The following TMEM14C variants were observed in gnomAD, a reference collection of about 807,000 sequenced individuals.
TMEM14C encodes transmembrane protein 14C.
Under a neutral mutation model 14.8 loss-of-function variants are expected in TMEM14C, and 13 were observed. That is an observed-to-expected ratio of 0.88 (90% CI 0.57 to 1.40). TMEM14C has a LOEUF of 1.40. Ranked by LOEUF, TMEM14C falls within the 40% of genes most tolerant of loss-of-function variation. The probability of loss-of-function intolerance (pLI) is 0.00; values close to 1 mark genes in which losing one functional copy is unlikely to be tolerated. For missense variants in TMEM14C, 142 were observed against 138.8 expected (o/e 1.02, Z -0.12); for synonymous variants, 57 against 51.3 (o/e 1.11, Z -0.48).
At chr6:10,724,726 T>C in intron 2 of TMEM14C, 93 bp downstream of exon 2, 1 of 1,386,908 alleles carries the variant, frequency 7.2e-7, no homozygotes. Context: ...GTAGACTGCC[T>C]GGGATGGCAT....
rs373160064 is a variant in TMEM14C at position 10,724,914 on chromosome 6, G to C, written c.21-47G>C. 6.2e-6 allele frequency: 10 copies of C among 1,607,246 alleles called. No individual in the cohort carries two copies. The African/African-American group carries it at 1.1e-4, about 17-fold the overall frequency. On this transcript the variant is annotated intron_variant, in intron 2 of 5. Transcript: ENST00000229563. ...GTCCCATCCTATGACAGTATGGTTT[G>C]TTTTCAAAGCCAGGTTAGCACTGAC...
intron 4 of TMEM14C, among the ~76,000 whole-genome samples, chr6:10,726,214 A>G (rs1027135292): frequency 6.6e-6 from 1 of 152,178 alleles, no homozygotes; most frequent in Non-Finnish European, 1.5e-5. Flanking sequence ...CATACAGAAC[A>G]TGGAAGGATT....
chr6:10,724,650 G>A lies in TMEM14C; in HGVS notation c.20+17G>A, dbSNP rs1383024774. On this transcript the variant is annotated intron_variant, in intron 2 of 5. Transcript: ENST00000229563. The stretch of plus-strand genomic sequence containing the variant: ...TGGCTCAGTGTGAGTGCAGTAAATG[G>A]GTATGGAGTAGCCAGGAGCTTCTGG... The A allele has an allele frequency of 6.2e-7, 1 of 1,611,026 alleles. No individual in the cohort carries two copies. The highest frequency in any genetic ancestry group is 8.5e-7 in the Non-Finnish European group (1 of 1,178,488).
chr6:10,723,921 T>A (rs1770772591), intron 1 of TMEM14C, among the ~76,000 whole-genome samples: 1 of 152,182 alleles, frequency 6.6e-6, no homozygotes, highest in Non-Finnish European at 1.5e-5. Flanking sequence ...TTAAACAGAA[T>A]AAACGGGGTA....
At chr6:10,728,827 G>A (rs1770946693) in intron 5 of TMEM14C, 100 bp downstream of exon 5, 2 of 1,579,078 alleles carry the variant, frequency 1.3e-6, no homozygotes, top group Non-Finnish European at 1.7e-6. Context: ...GATATCTGAT[G>A]CTATGTATCA....
At chr6:10,729,646 G>C (rs1036686409) in intron 5 of TMEM14C, among the ~76,000 whole-genome samples, 15 of 151,960 alleles carry the variant, frequency 9.9e-5, no homozygotes, top group African/African-American at 3.6e-4. Flanking sequence ...TTATGGTAGT[G>C]GGCACTTGTA....
rs920574713 is a variant in TMEM14C at position 10,729,035 on chromosome 6, G to A, written c.287+308G>A. ...ATGACTGCAGCCTTTTGTGTGACTT[G>A]CATGGAAGATTTGGGGGCCCCATAT... On this transcript the variant is annotated intron_variant, in intron 5 of 5. Transcript: ENST00000229563. 3.9e-5 allele frequency among the ~76,000 whole-genome samples: 6 copies of A among 152,262 alleles called. 1 individual carries two copies. The highest frequency in any genetic ancestry group is 8.8e-5 in the Non-Finnish European group (6 of 68,024).
At chr6:10,725,176 C>T (rs1309642964) in intron 3 of TMEM14C, 139 bp downstream of exon 3, 2 of 979,988 alleles carry the variant, frequency 2.0e-6, no homozygotes, top group African/African-American at 1.6e-5. Flanking sequence ...GCTTCCTTGT[C>T]AGTCTTGCAG....
At chr6:10,723,526 T>C (rs1167419317) in intron 1 of TMEM14C, among the ~76,000 whole-genome samples, 2 of 151,960 alleles carry the variant, frequency 1.3e-5, no homozygotes, top group Non-Finnish European at 2.9e-5. Context: ...CTCGGTGCCG[T>C]CTCGAGTTAA....
At chr6:10,728,284 A>C (rs1269335767) in intron 4 of TMEM14C, among the ~76,000 whole-genome samples, 1 of 152,228 alleles carries the variant, frequency 6.6e-6, no homozygotes, top group Non-Finnish European at 1.5e-5. Flanking sequence ...ACAGATACCC[A>C]GTGGGAATTG....
intron 5 of TMEM14C, among the ~76,000 whole-genome samples, chr6:10,729,205 C>T (rs1770959634): frequency 1.3e-5 from 2 of 152,296 alleles, no homozygotes; most frequent in South Asian, 4.1e-4. Context: ...GATCTCCGCT[C>T]ACTGCAATCA....
At chr6:10,727,512 T>A (rs1770898663) in intron 4 of TMEM14C, among the ~76,000 whole-genome samples, 1 of 152,100 alleles carries the variant, frequency 6.6e-6, no homozygotes, top group South Asian at 2.1e-4. Flanking sequence ...CTAATTTTTC[T>A]ATTTTTAGTA....
At chr6:10,729,552 G>A (rs1426502480) in intron 5 of TMEM14C, among the ~76,000 whole-genome samples, 2 of 152,106 alleles carry the variant, frequency 1.3e-5, no homozygotes, top group South Asian at 2.1e-4. Flanking sequence ...AGAGGCAGGC[G>A]GATCACCTGA....
Position 10,730,921 on chromosome 6 carries a change from CT to C in TMEM14C, c.*256del. ...TGTATATTGATGTTGTCTTTTCTTT[CT>C]GTATCTGTAGGTAAATCTCAAGGGT... On this transcript the variant is annotated 3_prime_UTR_variant, in exon 6 of 6. Coordinates refer to ENST00000229563, the MANE Select transcript of TMEM14C (RefSeq NM_016462.4). 4 of 1,112,936 alleles carry C rather than the reference CT, an allele frequency of 3.6e-6. No homozygotes were observed. The highest frequency in any genetic ancestry group is 4.4e-6 in the Non-Finnish European group (4 of 911,410). 68.9% of individuals were successfully genotyped at this position (1,112,936 alleles called of 1,614,324 possible).
rs371225553 is a variant in TMEM14C at position 10,728,735 on chromosome 6, C to G, written c.287+8C>G. ...TTTAATTGCAGGTGCCAGGTACTTT[C>G]ATTCTATTACTCTTCTTTACCATGT... On this transcript the variant is annotated splice_region_variant and intron_variant, in intron 5 of 5. Coordinates refer to ENST00000229563, the MANE Select transcript of TMEM14C (RefSeq NM_016462.4). The G allele has an allele frequency of 2.5e-6, 4 of 1,614,178 alleles. No individual in the cohort carries two copies. The highest frequency in any genetic ancestry group is 3.3e-5 in the Admixed American group (2 of 60,014).
At chr6:10,724,845 C>G (rs1395343757) in intron 2 of TMEM14C, 116 bp from the exon 3 acceptor site, 4 of 1,399,826 alleles carry the variant, frequency 2.9e-6, no homozygotes, top group African/African-American at 1.4e-5. Context: ...CCTCTGTGGT[C>G]CTTATTTTCA....
chr6:10,730,835 C>A lies in TMEM14C; in HGVS notation c.*169C>A. 1 of 1,326,424 alleles carries A rather than the reference C, an allele frequency of 7.5e-7. No individual in the cohort carries two copies. The highest frequency in any genetic ancestry group is 2.8e-5 in the East Asian group (1 of 36,264). 82.2% of individuals were successfully genotyped at this position (1,326,424 alleles called of 1,614,324 possible). A position where few individuals can be genotyped will look rare whatever the true frequency, so the allele number is the denominator to read the frequency against. On this transcript the variant is annotated 3_prime_UTR_variant, in exon 6 of 6. Transcript: ENST00000229563. ...TGGAAAATCAGTCATGATTACAAACCTACAGAGGTGGCGAGTATGTAACAC... is the reference window on the plus strand; with the variant it reads ...TGGAAAATCAGTCATGATTACAAACATACAGAGGTGGCGAGTATGTAACAC...
At position 10,730,902 on chromosome 6, in the gene TMEM14C, T is replaced by C. The variant is rs1771005354; in HGVS notation, c.*236T>C. ...CCTCATAGAGCTTGATTCTTGTATA[T>C]TGATGTTGTCTTTTCTTTCTGTATC... On this transcript the variant is annotated 3_prime_UTR_variant, in exon 6 of 6. Transcript: ENST00000229563. 2 of 1,160,764 alleles carry C rather than the reference T, an allele frequency of 1.7e-6. No homozygotes were observed. The highest frequency in any genetic ancestry group is 3.2e-5 in the African/African-American group (2 of 62,880). 71.9% of individuals were successfully genotyped at this position (1,160,764 alleles called of 1,614,324 possible).
rs772609101 is a variant in TMEM14C, at chr6:10,725,935, G to A, written c.126G>A (p.Leu42=). ...GCGTGCCGTCCCTGGCTGCAGGGCT[G>A]CTCTTTGGCAGTCTAGCCGGCCTGG... is the stretch of plus-strand genomic sequence containing the variant. ...AGSVPSLAAG[L]LFGSLAGLGA... is the part of the protein sequence containing the mutation. The change falls in exon 4 of 6, where the codon CTG becomes CTA. Residue 42 remains leucine, a synonymous_variant. Coordinates refer to ENST00000229563, the MANE Select transcript of TMEM14C (RefSeq NM_016462.4). 6.2e-6 allele frequency: 10 copies of A among 1,613,978 alleles called. No homozygotes were observed. The South Asian group carries it at 9.9e-5, about 16-fold the overall frequency.
Sources: allele counts gnomAD v4.1 joint callset (sites outside exome capture counted in the v4.1 genomes callset), GRCh38; gene constraint gnomAD v4.1.1; transcripts MANE v1.5; gene names NCBI Gene and HGNC (gene_info 2026-07-23, HGNC 2026-07-21).